The following KCNIP4 variants were observed in gnomAD, a reference collection of about 807,000 sequenced individuals.
The protein encoded by KCNIP4 is Kv channel-interacting protein 4.
In KCNIP4, 12 loss-of-function variants were observed where a neutral mutation model predicts 34.0. That is an observed-to-expected ratio of 0.35 (90% CI 0.23 to 0.57). The LOEUF (loss-of-function observed/expected upper bound fraction) is 0.57, where lower values mean the gene tolerates loss of function less well. KCNIP4 is among the 20% of genes least tolerant of loss of function. The pLI, the probability that KCNIP4 is intolerant of heterozygous loss-of-function variation, is 0.83. For synonymous variants in KCNIP4, 124 were observed against 102.2 expected (o/e 1.21, Z -1.29); for missense variants, 238 against 311.7 (o/e 0.76, Z 1.78).
intron 1 of KCNIP4, among the ~76,000 whole-genome samples, chr4:21,714,389 C>T (rs7674414): frequency 0.092 from 14,015 of 151,788 alleles, 1,632 homozygotes; most frequent in African/African-American, 0.26. Context: ...TCTACAGCAT[C>T]GGCTACCTAG....
intron 1 of KCNIP4, among the ~76,000 whole-genome samples, chr4:21,282,888 C>A: frequency 6.6e-6 from 1 of 152,120 alleles, no homozygotes; most frequent in South Asian, 2.1e-4. Flanking sequence ...CATCTCTTTG[C>A]CACCCAAATA....
At chr4:21,635,579 C>T (rs1246202408) in intron 1 of KCNIP4, among the ~76,000 whole-genome samples, 2 of 152,064 alleles carry the variant, frequency 1.3e-5, no homozygotes, top group African/African-American at 4.8e-5. Context: ...CAAATCAAAA[C>T]CACAATGAGA....
chr4:20,785,948 G>T (rs1319558945), intron 3 of KCNIP4, among the ~76,000 whole-genome samples: 1 of 151,826 alleles, frequency 6.6e-6, no homozygotes, highest in Admixed American at 6.6e-5. Flanking sequence ...CCATTACTGG[G>T]TATATACCCA....
chr4:21,111,905 A>T (rs1233907431), intron 1 of KCNIP4, among the ~76,000 whole-genome samples: 1 of 152,348 alleles, frequency 6.6e-6, no homozygotes, highest in South Asian at 2.1e-4. Flanking sequence ...AAAGAGGAAC[A>T]TGCTAATCCA....
chr4:20,906,486 T>C lies in KCNIP4; in HGVS notation c.62-23777A>G, dbSNP rs532390238. On this transcript the variant is annotated intron_variant, in intron 1 of 8. Transcript: ENST00000382152. ...ATTCAGGCAACACGTTTCTGCCATG[T>C]CTGCCTTGCCAGGAACTCCACTAGA... Among the ~76,000 whole-genome samples the C allele has an allele frequency of 2.6e-5, 4 of 152,310 alleles. No individual in the cohort carries two copies. The South Asian group carries it at 8.3e-4, about 32-fold the overall frequency.
chr4:21,327,362 T>C (rs978805896), intron 1 of KCNIP4, among the ~76,000 whole-genome samples: 1 of 152,150 alleles, frequency 6.6e-6, no homozygotes, highest in African/African-American at 2.4e-5. Flanking sequence ...TTTAAACATG[T>C]CATGCCAATC....
intron 1 of KCNIP4, among the ~76,000 whole-genome samples, chr4:21,263,022 G>A (rs1038659093): frequency 6.6e-6 from 1 of 152,156 alleles, no homozygotes; most frequent in African/African-American, 2.4e-5. Context: ...TGTTCATCCA[G>A]GCTGAATTCC....
At chr4:21,911,428 A>G (rs1328121298) in intron 1 of KCNIP4, among the ~76,000 whole-genome samples, 3 of 151,670 alleles carry the variant, frequency 2.0e-5, no homozygotes, top group African/African-American at 4.8e-5. Context: ...ATGTCCATGC[A>G]ATGAAACCAC....
intron 1 of KCNIP4, among the ~76,000 whole-genome samples, chr4:21,359,105 A>C (rs1718955669): frequency 6.6e-6 from 1 of 152,102 alleles, no homozygotes; most frequent in Non-Finnish European, 1.5e-5. Context: ...TGGGGTTTAC[A>C]ATAGGTATAC....
intron 1 of KCNIP4, among the ~76,000 whole-genome samples, chr4:21,289,290 T>A (rs1230382977): frequency 6.6e-6 from 1 of 152,226 alleles, no homozygotes; most frequent in Non-Finnish European, 1.5e-5. Context: ...TTATTTTTGT[T>A]ACCAACATTC....
At chr4:21,889,377 G>GA (rs35035073) in intron 1 of KCNIP4, among the ~76,000 whole-genome samples, 44 of 149,688 alleles carry the variant, frequency 2.9e-4, no homozygotes, top group African/African-American at 8.1e-4. Flanking sequence ...CTCAAAATCT[G>GA]AAAAAAAAAC....
In KCNIP4 at chr4:20,949,292, A is replaced by C. The variant is rs185871247; in HGVS notation, c.62-66583T>G. ...GTATTATGCTTGTGCTAGTTTAAAA[A>C]ATAGTACCAGTACCCCTACATATTA... On this transcript the variant is annotated intron_variant, in intron 1 of 8. Transcript: ENST00000382152. 7.1e-3 allele frequency among the ~76,000 whole-genome samples: 1,086 copies of C among 152,354 alleles called. 14 individuals are homozygous for C. The highest frequency in any genetic ancestry group is 0.025 in the South Asian group (121 of 4,830).
intron 1 of KCNIP4, among the ~76,000 whole-genome samples, chr4:20,989,137 A>T (rs1736856316): frequency 6.6e-6 from 1 of 152,176 alleles, no homozygotes; most frequent in South Asian, 2.1e-4. Flanking sequence ...TTGAGTTCTC[A>T]CATGTATATG....
chr4:20,916,571 C>T (rs1728833897), intron 1 of KCNIP4, among the ~76,000 whole-genome samples: 1 of 152,022 alleles, frequency 6.6e-6, no homozygotes, highest in Non-Finnish European at 1.5e-5. Context: ...ATTGGTAGCC[C>T]TTAGCATCCA....
chr4:21,147,962 A>AAAAAAAAAAAAAAAAAAAAG (rs1553945858), intron 1 of KCNIP4, among the ~76,000 whole-genome samples: 5 of 123,870 alleles, frequency 4.0e-5, no homozygotes, highest in African/African-American at 9.1e-5. Flanking sequence ...AAAAAAAAAG[A>AAAAAAAAAAAAAAAAAAAAG]AAAAAAGTTC....
Position 20,927,531 on chromosome 4 carries a change from T to G in KCNIP4, c.62-44822A>C, listed in dbSNP as rs146970922. ...TTTTGAAGACTATACTCGCTTACAT[T>G]TGCAGTTCTTTGAAATGTGATAATG... On this transcript the variant is annotated intron_variant, in intron 1 of 8. Coordinates refer to ENST00000382152, the MANE Select transcript of KCNIP4 (RefSeq NM_025221.6). 1.8e-3 allele frequency among the ~76,000 whole-genome samples: 271 copies of G among 152,314 alleles called. 2 individuals are homozygous for G. Among genetic ancestry groups the G allele is most frequent in the African/African-American group, 6.2e-3 (259 of 41,574 alleles).
intron 1 of KCNIP4, among the ~76,000 whole-genome samples, chr4:21,678,986 G>T (rs1173055907): frequency 2.6e-5 from 4 of 152,068 alleles, no homozygotes; most frequent in African/African-American, 9.7e-5. Context: ...GGCACACAGG[G>T]AGATACCAGG....
intron 1 of KCNIP4, among the ~76,000 whole-genome samples, chr4:20,953,760 C>T (rs1457482704): frequency 6.6e-6 from 1 of 152,156 alleles, no homozygotes; most frequent in Non-Finnish European, 1.5e-5. Context: ...CTGCATTTTG[C>T]AGATAAACAT....
intron 1 of KCNIP4, among the ~76,000 whole-genome samples, chr4:21,015,309 G>T (rs2149738138): frequency 6.8e-6 from 1 of 148,032 alleles, no homozygotes; most frequent in East Asian, 2.0e-4. Flanking sequence ...TATAAAAATG[G>T]AGAGACAGAG....
Sources: gnomAD v4.1 joint callset for allele counts (sites outside exome capture counted in the v4.1 genomes callset) on GRCh38, gnomAD v4.1.1 for gene constraint, MANE v1.5 for transcripts, NCBI Gene and HGNC (gene_info 2026-07-23, HGNC 2026-07-21) for gene names.